Variants in HIPK4 observed in about 807,000 individuals in gnomAD.
HIPK4 encodes homeodomain-interacting protein kinase 4.
A neutral mutation model predicts 44.8 loss-of-function variants in HIPK4; 26 were observed. The ratio of observed to expected loss-of-function variants is 0.58; its 90% CI spans 0.43 to 0.80. HIPK4 has a LOEUF of 0.80. HIPK4 is among the 30% of genes least tolerant of loss of function. The pLI is 0.00. For missense variants in HIPK4, 729 were observed against 862.6 expected (o/e 0.85, Z 1.94); for synonymous variants, 340 against 355.5 (o/e 0.96, Z 0.49).
At chr19:40,381,744 G>A (rs1295945333) in intron 2 of HIPK4, among the ~76,000 whole-genome samples, 5 of 142,168 alleles carry the variant, frequency 3.5e-5, no homozygotes, top group Non-Finnish European at 7.6e-5. Flanking sequence ...ACTGGCTGCT[G>A]CCCCAAACCT....
In HIPK4 at chr19:40,389,499, G is replaced by C; in HGVS notation, c.404C>G (p.Ala135Gly). 1 of 1,613,106 alleles carries C rather than the reference G, an allele frequency of 6.2e-7. No individual in the cohort carries two copies. Among genetic ancestry groups the C allele is most frequent in the Non-Finnish European group, 8.5e-7 (1 of 1,179,300 alleles). Residue 135 changes from alanine to glycine, a missense_variant, in exon 1 of 4, where the codon GCT becomes GGT. Around this residue, in one of 2 missense-constraint regions of HIPK4, gnomAD observed 196 missense variants for 295.1 expected, o/e 0.66. Coordinates refer to ENST00000291823, the MANE Select transcript of HIPK4 (RefSeq NM_144685.5). This position sits in a 1 kb window ranked among gnomAD's most constrained non-coding sequence, Gnocchi z 4.6. Reference sequence around the variant, plus strand: ...CATGATGTTCTCAGGCTTGAGATCAGCGTGGATGATAGCCAGCTCCTTGAG... The same window carrying C: ...CATGATGTTCTCAGGCTTGAGATCACCGTGGATGATAGCCAGCTCCTTGAG... Reference protein sequence around the residue: ...ARLKELAIIHADLKPENIMLV... With the variant: ...ARLKELAIIHGDLKPENIMLV...
chr19:40,381,971 A>G (rs140405144), intron 2 of HIPK4, among the ~76,000 whole-genome samples: 2 of 151,698 alleles, frequency 1.3e-5, no homozygotes, highest in East Asian at 3.9e-4. Context: ...ATGCCCAGCT[A>G]ATTTTTGTAT....
intron 1 of HIPK4, among the ~76,000 whole-genome samples, chr19:40,388,636 C>T (rs1021585688): frequency 2.0e-5 from 3 of 152,194 alleles, no homozygotes; most frequent in Non-Finnish European, 4.4e-5. Context: ...TCATTTAGCA[C>T]TGGCTCCATG....
At position 40,381,052 on chromosome 19, in the gene HIPK4, C is replaced by G. The variant is rs755743447; in HGVS notation, c.939G>C (p.Glu313Asp). Reference sequence around the variant, plus strand: ...CCACCATGCTCTTGAGGTCGGCGTGCTCCGCCAGCGCCTCCCGGTCAGGGA... The same window carrying G: ...CCACCATGCTCTTGAGGTCGGCGTGGTCCGCCAGCGCCTCCCGGTCAGGGA... ...LTFPDREALAEHADLKSMVEL... is the reference protein window; with the variant it reads ...LTFPDREALADHADLKSMVEL... Residue 313 changes from glutamate to aspartate, a missense_variant, in exon 3 of 4, where the codon GAG becomes GAC. Transcript: ENST00000291823. The G allele has an allele frequency of 6.2e-7, 1 of 1,613,300 alleles. No individual in the cohort carries two copies. The highest frequency in any genetic ancestry group is 1.1e-5 in the South Asian group (1 of 91,086).
chr19:40,380,992 G>T lies in HIPK4; in HGVS notation c.999C>A (p.His333Gln). ...LIKRMLTWES[H>Q]ERISPSAALR... ...GGGCAGCACTGGGGCTGATGCGTTC[G>T]TGTGACTCCCAGGTCAGCATGCGCT... The change falls in exon 3 of 4, where the codon CAC (histidine) becomes CAA (glutamine). Residue 333 changes from histidine to glutamine, a missense_variant. By Grantham distance (24) the His-to-Gln change is conservative. Transcript: ENST00000291823. This position sits in a 1 kb window ranked among gnomAD's most constrained non-coding sequence, Gnocchi z 4.2. 1 of 1,613,220 alleles carries T rather than the reference G, an allele frequency of 6.2e-7. No individual in the cohort carries two copies. Among genetic ancestry groups the T allele is most frequent in the Non-Finnish European group, 8.5e-7 (1 of 1,180,020 alleles).
intron 2 of HIPK4, among the ~76,000 whole-genome samples, chr19:40,382,441 T>C (rs963918246): frequency 6.6e-6 from 1 of 152,196 alleles, no homozygotes; most frequent in Non-Finnish European, 1.5e-5. Context: ...ATATATTCTC[T>C]GTGGTCTAAT....
rs2079351153 is a variant in HIPK4 at position 40,384,035 on chromosome 19, C to T, written c.570G>A (p.Leu190=). 1.9e-6 allele frequency: 3 copies of T among 1,613,876 alleles called. No individual in the cohort carries two copies. The highest frequency in any genetic ancestry group is 1.7e-5 in the Admixed American group (1 of 59,998). The change falls in exon 2 of 4, where the codon CTG becomes CTA. Residue 190 remains leucine, a synonymous_variant. Coordinates refer to ENST00000291823, the MANE Select transcript of HIPK4 (RefSeq NM_144685.5). ...FYRAPEILLG[L]PFCEKVDVWS... is the part of the protein sequence containing the mutation. Reference sequence around the variant, plus strand: ...ACACGTCCACCTTCTCGCAGAAGGGCAGCCCCAGCAGGATCTCAGGGGCCC... The same window carrying T: ...ACACGTCCACCTTCTCGCAGAAGGGTAGCCCCAGCAGGATCTCAGGGGCCC...
At chr19:40,385,637 C>T (rs898151278) in intron 1 of HIPK4, among the ~76,000 whole-genome samples, 1 of 150,334 alleles carries the variant, frequency 6.7e-6, no homozygotes, top group African/African-American at 2.5e-5. Context: ...AGTCCCCATC[C>T]TTTCTATCCC....
chr19:40,383,119 G>C (rs1351354559), intron 2 of HIPK4, among the ~76,000 whole-genome samples: 2 of 102,914 alleles, frequency 1.9e-5, no homozygotes, highest in Non-Finnish European at 3.7e-5. Context: ...GTCTCACTCT[G>C]TTGCCCAGGC....
Position 40,381,029 on chromosome 19 carries a change from A to G in HIPK4, c.962T>C (p.Val321Ala). 1 of 1,613,554 alleles carries G rather than the reference A, an allele frequency of 6.2e-7. No homozygotes were observed. Among genetic ancestry groups the G allele is most frequent in the Non-Finnish European group, 8.5e-7 (1 of 1,180,012 alleles). ...GGTCAGCATGCGCTTGATCAGCTCC[A>G]CCATGCTCTTGAGGTCGGCGTGCTC... ...LAEHADLKSMVELIKRMLTWE... is the reference protein window; with the variant it reads ...LAEHADLKSMAELIKRMLTWE... Residue 321 changes from valine to alanine, a missense_variant, in exon 3 of 4, where the codon GTG becomes GCG. Val to Ala is a moderately conservative substitution (Grantham distance 64). Coordinates refer to ENST00000291823, the MANE Select transcript of HIPK4 (RefSeq NM_144685.5).
intron 1 of HIPK4, 144 bp from the exon 2 acceptor site, chr19:40,384,283 CTTTGTTGGTTTTTGTTTGTTTG>C: frequency 1.5e-6 from 1 of 674,070 alleles, no homozygotes; most frequent in Non-Finnish European, 2.5e-6. Context: ...TCTTTAGTTG[CTTTGTTGGTTTTTGTTTGTTTG>C]TTTGTTTGTT....
rs55801979 is a variant in HIPK4 at position 40,380,550 on chromosome 19, G to A, written c.1441C>T (p.Arg481Cys). ...PEPILAFYSSRLAGRHKARKP... is the reference protein window; with the variant it reads ...PEPILAFYSSCLAGRHKARKP... ...CGGGCCTTGTGGCGGCCTGCCAGGC[G>A]GCTGCTGTAGAAGGCCAGGATGGGC... The change falls in exon 3 of 4, where the codon CGC becomes TGC. Residue 481 changes from arginine (R) to cysteine (C), a missense_variant. Around this residue, in one of 2 missense-constraint regions of HIPK4, gnomAD observed 533 missense variants for 567.5 expected, o/e 0.94. Transcript: ENST00000291823. This position sits in a 1 kb window ranked among gnomAD's most constrained non-coding sequence, Gnocchi z 4.2. The A allele has an allele frequency of 1.2e-3, 1,945 of 1,611,668 alleles. 2 individuals are homozygous for A. Among genetic ancestry groups the A allele is most frequent in the Non-Finnish European group, 1.4e-3 (1,708 of 1,179,540 alleles).
chr19:40,384,777 A>G (rs1387460079), intron 1 of HIPK4, among the ~76,000 whole-genome samples: 1 of 150,810 alleles, frequency 6.6e-6, no homozygotes, highest in East Asian at 1.9e-4. Flanking sequence ...ATGCCCTGCT[A>G]ATTTTTGTAT....
intron 1 of HIPK4, among the ~76,000 whole-genome samples, chr19:40,386,101 G>A (rs556664986): frequency 3.3e-5 from 5 of 150,728 alleles, no homozygotes; most frequent in Admixed American, 6.6e-5. Flanking sequence ...ACGGAGTCTC[G>A]CTCTGTTGGC....
rs766573572 is a variant in HIPK4, at chr19:40,389,498, AG to A, written c.404del (p.Ala135ValfsTer22). On this transcript the variant is annotated frameshift_variant, in exon 1 of 4. Transcript: ENST00000291823. LOFTEE classifies it high-confidence loss of function. This position sits in a 1 kb window ranked among gnomAD's most constrained non-coding sequence, Gnocchi z 4.6. ...GCATGATGTTCTCAGGCTTGAGATC[AG>A]CGTGGATGATAGCCAGCTCCTTGAG... ...ARLKELAIIH[A>X]DLKPENIMLV... 4 of 1,612,482 alleles carry A rather than the reference AG, an allele frequency of 2.5e-6. No homozygotes were observed. Among genetic ancestry groups the A allele is most frequent in the Non-Finnish European group, 3.4e-6 (4 of 1,178,884 alleles).
At position 40,388,123 on chromosome 19, in the gene HIPK4, T is replaced by C. The variant is rs2079371757; in HGVS notation, c.465+1315A>G. ...CCTCTGCCTCCCGGGTTCTAAGCGATTTATCTGCTTCAGCCTCTGGAGTAG... is the reference window on the plus strand; with the variant it reads ...CCTCTGCCTCCCGGGTTCTAAGCGACTTATCTGCTTCAGCCTCTGGAGTAG... On this transcript the variant is annotated intron_variant, in intron 1 of 3. Transcript: ENST00000291823. Among the ~76,000 whole-genome samples the C allele has an allele frequency of 2.0e-5, 3 of 151,082 alleles. No individual in the cohort carries two copies. The South Asian group carries it at 6.3e-4, about 32-fold the overall frequency.
In HIPK4 at chr19:40,380,316, G is replaced by A. The variant is rs56237517; in HGVS notation, c.1668+7C>T. The A allele has an allele frequency of 0.2, 325,530 of 1,610,708 alleles. 35,995 individuals carry two copies. Among genetic ancestry groups the A allele is most frequent in the Non-Finnish European group, 0.23 (273,915 of 1,177,292 alleles). On this transcript the variant is annotated splice_region_variant and intron_variant, in intron 3 of 3. Transcript: ENST00000291823. The surrounding 1 kb of genome is among the most constrained non-coding windows in gnomAD (Gnocchi z 4.2). ...CCCTAATCGTATCCTGAACGCACCC[G>A]GCTCACCTCAGCTTCCATGGTCATG...
rs776323246 is a variant in HIPK4 at position 40,389,342 on chromosome 19, A to C, written c.465+96T>G. The C allele has an allele frequency of 1.1e-4, 61 of 551,890 alleles. 1 individual carries two copies. Among genetic ancestry groups the C allele is most frequent in the Non-Finnish European group, 1.5e-4 (54 of 362,110 alleles). The allele number at this position is 551,890 out of a possible 1,614,324, so 34.2% of individuals were successfully genotyped here. A position where few individuals can be genotyped will look rare whatever the true frequency, so the allele number is the denominator to read the frequency against. Reference sequence around the variant, plus strand: ...CCGTCTCAAAAATAATAATAATAATAATTTTAAAAAATTAAAAAAAAAATC... The same window carrying C: ...CCGTCTCAAAAATAATAATAATAATCATTTTAAAAAATTAAAAAAAAAATC... On this transcript the variant is annotated intron_variant, in intron 1 of 3. Coordinates refer to ENST00000291823, the MANE Select transcript of HIPK4 (RefSeq NM_144685.5). The surrounding 1 kb of genome is among the most constrained non-coding windows in gnomAD (Gnocchi z 4.6).
intron 1 of HIPK4, among the ~76,000 whole-genome samples, chr19:40,385,576 C>G (rs2079358735): frequency 6.6e-6 from 1 of 151,912 alleles, no homozygotes; most frequent in Admixed American, 6.6e-5. Context: ...AAAAAATGAT[C>G]ACCTTCTCAG....
Sources: gnomAD v4.1 joint callset for allele counts (sites outside exome capture counted in the v4.1 genomes callset) on GRCh38, gnomAD v4.1.1 for gene constraint, gnomAD v4.1.1 regional missense constraint, Gnocchi (gnomAD v3.1) non-coding constraint, MANE v1.5 for transcripts, NCBI Gene and HGNC (gene_info 2026-07-23, HGNC 2026-07-21) for gene names.